The following SPTLC2 variants were observed in gnomAD, a reference collection of about 807,000 sequenced individuals.
SPTLC2 encodes serine palmitoyltransferase long chain base subunit 2, also known as serine palmitoyltransferase 2.
A neutral mutation model predicts 62.0 loss-of-function variants in SPTLC2; 21 were observed. The ratio of observed to expected loss-of-function variants is 0.34; its 90% CI spans 0.24 to 0.49. SPTLC2 has a LOEUF of 0.49. SPTLC2 is among the 20% of genes least tolerant of loss of function. SPTLC2 has a pLI of 0.99. For synonymous variants in SPTLC2, 261 were observed against 261.8 expected (o/e 1.00, Z 0.03); for missense variants, 511 against 713.0 (o/e 0.72, Z 3.23).
At chr14:77,605,339 TG>T in intron 1 of SPTLC2, among the ~76,000 whole-genome samples, 1 of 152,292 alleles carries the variant, frequency 6.6e-6, no homozygotes, top group South Asian at 2.1e-4. Context: ...ATGTCATGTT[TG>T]TGGCAACAAA....
At position 77,557,123 on chromosome 14, in the gene SPTLC2, A is replaced by G. The variant is rs996569306; in HGVS notation, c.874T>C (p.Leu292=). ...HNNMQSLEKL[L]KDAIVYGQPR... is the part of the protein sequence containing the mutation. ...TGACCATAAACAATGGCATCTTTCA[A>G]TAGCTTCTCTAGGCTTTGCATATCT... The change falls in exon 7 of 12, where the codon TTG becomes CTG. Residue 292 remains leucine (L), a synonymous_variant. Coordinates refer to ENST00000216484, the MANE Select transcript of SPTLC2 (RefSeq NM_004863.4). 2.5e-6 allele frequency: 4 copies of G among 1,613,650 alleles called. No individual in the cohort carries two copies. The highest frequency in any genetic ancestry group is 1.6e-4 in the Middle Eastern group (1 of 6,084).
intron 1 of SPTLC2, among the ~76,000 whole-genome samples, chr14:77,600,228 T>G (rs1170578439): frequency 6.6e-6 from 1 of 152,206 alleles, no homozygotes; most frequent in Non-Finnish European, 1.5e-5. Context: ...CAAAGCCTTA[T>G]TCAAAATTAA....
At position 77,581,711 on chromosome 14, in the gene SPTLC2, C is replaced by T. The variant is rs189511928; in HGVS notation, c.328-2602G>A. On this transcript the variant is annotated intron_variant, in intron 2 of 11. Transcript: ENST00000216484. ...AAAGGTGTGAGCCACCATGCCCAGC[C>T]ACCATCTCTTTTACAACTGGTTCTA... Among the ~76,000 whole-genome samples, 368 of 152,258 alleles carry T rather than the reference C, an allele frequency of 2.4e-3. 1 individual carries two copies. Among genetic ancestry groups the T allele is most frequent in the Non-Finnish European group, 4.0e-3 (271 of 68,008 alleles).
At chr14:77,584,252 G>A (rs940938944) in intron 2 of SPTLC2, among the ~76,000 whole-genome samples, 2 of 152,150 alleles carry the variant, frequency 1.3e-5, no homozygotes, top group African/African-American at 4.8e-5. Flanking sequence ...AACACAGGGG[G>A]CAAAGCTGGA....
chr14:77,514,029 C>T (rs1056009549), intron 11 of SPTLC2, among the ~76,000 whole-genome samples: 4 of 151,766 alleles, frequency 2.6e-5, no homozygotes, highest in Admixed American at 6.6e-5. Flanking sequence ...AGTAAGACCT[C>T]GTCTCTTAAA....
chr14:77,555,286 C>T lies in SPTLC2; in HGVS notation c.1176+14G>A. The T allele has an allele frequency of 6.2e-7, 1 of 1,614,040 alleles. No individual in the cohort carries two copies. Among genetic ancestry groups the T allele is most frequent in the Non-Finnish European group, 8.5e-7 (1 of 1,179,984 alleles). ...GACTTTATCTCTAATCGCTCATTCT[C>T]ATGGCTCGTTTACCTTCTTGCCTCC... On this transcript the variant is annotated intron_variant, in intron 8 of 11. Coordinates refer to ENST00000216484, the MANE Select transcript of SPTLC2 (RefSeq NM_004863.4).
At chr14:77,616,365 T>C (rs2079967302) in intron 1 of SPTLC2, 83 bp downstream of exon 1, 8 of 857,600 alleles carry the variant, frequency 9.3e-6, no homozygotes, top group Admixed American at 4.7e-5. Flanking sequence ...GCCCAGCGGA[T>C]GGCCCGGAGA....
chr14:77,511,020 T>C lies in SPTLC2; in HGVS notation c.*1264A>G, dbSNP rs1407910686. 4 of 152,480 alleles carry C rather than the reference T, an allele frequency of 2.6e-5. No homozygotes were observed. The highest frequency in any genetic ancestry group is 4.1e-4 in the South Asian group (2 of 4,830). The allele number at this position is 152,480 out of a possible 1,614,324, so 9.4% of individuals were successfully genotyped here. ...GGTTATAGTATGAAAACAGTCAAAA[T>C]AGAAAATGTCAGTTTAGGAAAGAGA... On this transcript the variant is annotated 3_prime_UTR_variant, in exon 12 of 12. Transcript: ENST00000216484.
intron 11 of SPTLC2, among the ~76,000 whole-genome samples, chr14:77,515,604 C>CA (rs1293143169): frequency 7.2e-6 from 1 of 138,462 alleles, no homozygotes; most frequent in Non-Finnish European, 1.5e-5. Flanking sequence ...GGCTGGAGTG[C>CA]AGTGGTGCGA....
In SPTLC2 at chr14:77,512,149, G is replaced by A; in HGVS notation, c.*135C>T. On this transcript the variant is annotated 3_prime_UTR_variant, in exon 12 of 12. Transcript: ENST00000216484. ...TTACAAAATGTCATTTAGAGTGGAG[G>A]TGGCCACCTTCAGTAGCTGAGGCAA... The A allele has an allele frequency of 2.5e-6, 3 of 1,204,626 alleles. No homozygotes were observed. Among genetic ancestry groups the A allele is most frequent in the South Asian group, 1.3e-5 (1 of 79,240 alleles). 74.6% of individuals were successfully genotyped at this position (1,204,626 alleles called of 1,614,324 possible).
chr14:77,532,052 C>A (rs1223047012), intron 9 of SPTLC2, among the ~76,000 whole-genome samples: 1 of 152,138 alleles, frequency 6.6e-6, no homozygotes, highest in African/African-American at 2.4e-5. Context: ...ACCCCTTTTA[C>A]TTAAAAACAA....
intron 6 of SPTLC2, 101 bp downstream of exon 6, chr14:77,562,295 C>T (rs1411773477): frequency 1.9e-6 from 2 of 1,045,360 alleles, no homozygotes; most frequent in East Asian, 2.4e-5. Context: ...ACTTTGTCTT[C>T]ATTTATACTT....
At chr14:77,524,938 C>T (rs1473471736) in intron 9 of SPTLC2, among the ~76,000 whole-genome samples, 1 of 152,054 alleles carries the variant, frequency 6.6e-6, no homozygotes. Flanking sequence ...CTTTTGATAG[C>T]ACAGGATGAC....
chr14:77,535,998 G>A (rs986342674), intron 9 of SPTLC2: 2 of 452,378 alleles, frequency 4.4e-6, no homozygotes, highest in Non-Finnish European at 8.9e-6. Context: ...GAATAGTGAT[G>A]CCATTACCTG....
At chr14:77,537,065 G>C (rs1369853260) in intron 9 of SPTLC2, among the ~76,000 whole-genome samples, 1 of 152,000 alleles carries the variant, frequency 6.6e-6, no homozygotes, top group African/African-American at 2.4e-5. Context: ...TGGGACTACA[G>C]GCACCTGCCA....
At chr14:77,525,199 T>G (rs1188036529) in intron 9 of SPTLC2, among the ~76,000 whole-genome samples, 1 of 151,976 alleles carries the variant, frequency 6.6e-6, no homozygotes, top group African/African-American at 2.4e-5. Flanking sequence ...GGCAGGAGGA[T>G]CTCTTGAGTC....
chr14:77,517,498 G>C (rs1028981001), intron 11 of SPTLC2, among the ~76,000 whole-genome samples: 5 of 151,668 alleles, frequency 3.3e-5, no homozygotes, highest in African/African-American at 9.7e-5. Flanking sequence ...TGGGTGCTGG[G>C]ATATAGAATC....
rs559792898 is a variant in SPTLC2, at chr14:77,585,098, C to G, written c.328-5989G>C. Among the ~76,000 whole-genome samples the G allele has an allele frequency of 3.3e-5, 5 of 152,306 alleles. No homozygotes were observed. In the South Asian group the frequency reaches 6.2e-4, roughly 19 times the overall value. On this transcript the variant is annotated intron_variant, in intron 2 of 11. Transcript: ENST00000216484. ...CAGTTTCCTAGTTTGGGGTAGCTGCCCAGTTAGGGGAGGGAGGCCCTAACC... is the reference window on the plus strand; with the variant it reads ...CAGTTTCCTAGTTTGGGGTAGCTGCGCAGTTAGGGGAGGGAGGCCCTAACC...
chr14:77,584,693 G>A (rs74471828), intron 2 of SPTLC2, among the ~76,000 whole-genome samples: 7,422 of 152,142 alleles, frequency 0.049, 603 homozygotes, highest in African/African-American at 0.17. Flanking sequence ...CTTTGATAGC[G>A]TTCAAAGCAC....
Sources: allele counts gnomAD v4.1 joint callset (sites outside exome capture counted in the v4.1 genomes callset), GRCh38; gene constraint gnomAD v4.1.1; transcripts MANE v1.5; gene names NCBI Gene and HGNC (gene_info 2026-07-23, HGNC 2026-07-21).